The following SOS2 variants were observed in gnomAD, a reference collection of about 807,000 sequenced individuals.
The protein encoded by SOS2 is SOS Ras/Rho guanine nucleotide exchange factor 2, also known as son of sevenless homolog 2.
Under a neutral mutation model 148.2 loss-of-function variants are expected in SOS2, and 65 were observed. The observed-to-expected ratio is 0.44, with a 90% CI of 0.36 to 0.54. The LOEUF (loss-of-function observed/expected upper bound fraction) is 0.54, where lower values mean the gene tolerates loss of function less well. Ranked by LOEUF, SOS2 falls within the 20% of genes least tolerant of loss-of-function variation. The pLI, the probability that SOS2 is intolerant of heterozygous loss-of-function variation, is 0.00. For missense variants in SOS2, 1,341 were observed against 1,590.2 expected, an observed-to-expected ratio of 0.84 and a Z score of 2.67; for synonymous variants, 539 against 537.1, an observed-to-expected ratio of 1.00 and a Z score of -0.05.
intron 17 of SOS2, 34 bp downstream of exon 17, chr14:50,139,908 C>T (rs149501826): frequency 1.9e-6 from 2 of 1,063,020 alleles, no homozygotes; most frequent in Non-Finnish European, 2.9e-6. Flanking sequence ...ATCACACGCT[C>T]ACCCTCAAAA....
chr14:50,224,310 T>TACACACAC (rs1301626711), intron 1 of SOS2, among the ~76,000 whole-genome samples: 3 of 62,018 alleles, frequency 4.8e-5, no homozygotes, highest in African/African-American at 1.7e-4. Context: ...AAAAAATATA[T>TACACACAC]ATATACACAC....
At chr14:50,187,069 T>G (rs1885937060) in intron 5 of SOS2, among the ~76,000 whole-genome samples, 1 of 152,158 alleles carries the variant, frequency 6.6e-6, no homozygotes, top group African/African-American at 2.4e-5. Context: ...TGGAGTGCAG[T>G]GGCACGATCA....
At chr14:50,142,447 A>C (rs1884327051) in intron 16 of SOS2, among the ~76,000 whole-genome samples, 1 of 152,208 alleles carries the variant, frequency 6.6e-6, no homozygotes, top group South Asian at 2.1e-4. Flanking sequence ...AACCCACTAA[A>C]AAAAATAAAT....
At position 50,117,549 on chromosome 14, in the gene SOS2, A is replaced by C. The variant is rs1883326697; in HGVS notation, c.*795T>G. ...TAGGCCTCAAGTCACTTAAATTTAT[A>C]TAGGTTATTAGCAGTATCTTTAAAT... On this transcript the variant is annotated 3_prime_UTR_variant, in exon 23 of 23. Coordinates refer to ENST00000216373, the MANE Select transcript of SOS2 (RefSeq NM_006939.4). 6.6e-6 allele frequency: 1 copy of C among 152,226 alleles called. No homozygotes were observed. The highest frequency in any genetic ancestry group is 2.1e-4 in the South Asian group (1 of 4,834). The allele number at this position is 152,226 out of a possible 1,614,324, so 9.4% of individuals were successfully genotyped here.
chr14:50,188,897 G>A (rs901313494), intron 4 of SOS2, among the ~76,000 whole-genome samples, 197 bp from the exon 5 acceptor site: 2 of 151,712 alleles, frequency 1.3e-5, no homozygotes, highest in African/African-American at 4.8e-5. Flanking sequence ...ACCCTGTCTC[G>A]ACCAAAAATA....
chr14:50,141,753 G>A (rs1884296547), intron 16 of SOS2, among the ~76,000 whole-genome samples: 1 of 152,094 alleles, frequency 6.6e-6, no homozygotes, highest in Admixed American at 6.6e-5. Flanking sequence ...TAAAAAAATG[G>A]AGCTTAAATT....
At position 50,137,634 on chromosome 14, in the gene SOS2, A is replaced by T. The variant is rs180732577; in HGVS notation, c.2958+978T>A. 4.2e-3 allele frequency among the ~76,000 whole-genome samples: 640 copies of T among 152,292 alleles called. 3 individuals are homozygous for T. The highest frequency in any genetic ancestry group is 0.014 in the African/African-American group (589 of 41,578). On this transcript the variant is annotated intron_variant, in intron 18 of 22. Coordinates refer to ENST00000216373, the MANE Select transcript of SOS2 (RefSeq NM_006939.4). ...ATAATTATGATATTTCTTACAGGTC[A>T]CACAAGATCTAAAATTTTTTTTTAA...
chr14:50,231,110 G>C (rs1566490826), intron 1 of SOS2, 87 bp downstream of exon 1: 1 of 793,246 alleles, frequency 1.3e-6, no homozygotes, highest in Non-Finnish European at 1.7e-6. Context: ...CCGGGGACTC[G>C]AGCCCTGTGG....
chr14:50,170,690 A>T (rs1885331965), intron 8 of SOS2, among the ~76,000 whole-genome samples: 1 of 152,062 alleles, frequency 6.6e-6, no homozygotes, highest in African/African-American at 2.4e-5. Flanking sequence ...ACACAATAAA[A>T]TAGATGATAT....
At chr14:50,231,724 C>T (rs1887558401), upstream of SOS2, among the ~76,000 whole-genome samples, 1 of 152,044 alleles carries the variant, frequency 6.6e-6, no homozygotes, top group African/African-American at 2.4e-5. Context: ...TCGCCTCCTC[C>T]CCGCCCTCCC....
At chr14:50,182,636 G>A in intron 5 of SOS2, 30 bp from the exon 6 acceptor site, 1 of 1,568,474 alleles carries the variant, frequency 6.4e-7, no homozygotes, top group South Asian at 1.1e-5. Context: ...GTTAAGAAAT[G>A]TGAGATTGAG....
At chr14:50,183,789 C>T (rs554076503) in intron 5 of SOS2, among the ~76,000 whole-genome samples, 7 of 152,274 alleles carry the variant, frequency 4.6e-5, no homozygotes, top group Admixed American at 4.6e-4. Context: ...CAATTTAGGG[C>T]CCATCTCCTG....
At chr14:50,137,776 T>C (rs139634234) in intron 18 of SOS2, among the ~76,000 whole-genome samples, 192 of 152,296 alleles carry the variant, frequency 1.3e-3, no homozygotes, top group African/African-American at 4.3e-3. Context: ...GAGTGGGGTA[T>C]CCATTCCCTC....
chr14:50,190,220 T>A (rs946980960), intron 4 of SOS2, among the ~76,000 whole-genome samples: 2 of 152,098 alleles, frequency 1.3e-5, no homozygotes, highest in Admixed American at 1.3e-4. Context: ...GTTAATTATA[T>A]ATTTAAGACT....
intron 1 of SOS2, among the ~76,000 whole-genome samples, chr14:50,223,747 A>AG (rs1267282529): frequency 2.0e-5 from 3 of 151,982 alleles, no homozygotes; most frequent in East Asian, 1.9e-4. Flanking sequence ...TGGGGGCGGC[A>AG]GGGGGGTGAG....
intron 21 of SOS2, among the ~76,000 whole-genome samples, 191 bp downstream of exon 21, chr14:50,129,770 C>A (rs1192329168): frequency 6.6e-6 from 1 of 152,152 alleles, no homozygotes; most frequent in Non-Finnish European, 1.5e-5. Context: ...GCCCTTAGAA[C>A]AGATCATAAA....
chr14:50,204,904 CTTTT>C (rs386381336), intron 1 of SOS2, among the ~76,000 whole-genome samples: 1 of 144,234 alleles, frequency 6.9e-6, no homozygotes, highest in Non-Finnish European at 1.5e-5. Flanking sequence ...TTTTTTCTTT[CTTTT>C]TTTTTTTAAG....
At chr14:50,187,628 C>T (rs1194474872) in intron 5 of SOS2, among the ~76,000 whole-genome samples, 1 of 151,964 alleles carries the variant, frequency 6.6e-6, no homozygotes, top group African/African-American at 2.4e-5. Flanking sequence ...GGATTATAGG[C>T]GTGAGCCACT....
chr14:50,225,015 T>C (rs1002205389), intron 1 of SOS2, among the ~76,000 whole-genome samples: 1 of 152,228 alleles, frequency 6.6e-6, no homozygotes, highest in African/African-American at 2.4e-5. Context: ...TAGATCTTGG[T>C]ATTATTTTCA....
Sources: gnomAD v4.1 joint callset for allele counts (sites outside exome capture counted in the v4.1 genomes callset) on GRCh38, gnomAD v4.1.1 for gene constraint, MANE v1.5 for transcripts, NCBI Gene and HGNC (gene_info 2026-07-23, HGNC 2026-07-21) for gene names.